Variants in BRAF observed in about 807,000 individuals in gnomAD.
BRAF encodes the protein serine/threonine-protein kinase B-raf.
Under a neutral mutation model 104.6 loss-of-function variants are expected in BRAF, and 16 were observed. The ratio of observed to expected loss-of-function variants is 0.15; its 90% CI spans 0.10 to 0.23. BRAF has a LOEUF of 0.23. BRAF is among the 10% of genes least tolerant of loss of function. BRAF has a pLI of 1.00. For missense variants in BRAF, 541 were observed against 937.3 expected, an observed-to-expected ratio of 0.58 and a Z score of 5.52; for synonymous variants, 310 against 341.6, an observed-to-expected ratio of 0.91 and a Z score of 1.02.
chr7:140,917,824 G>A (rs1372191202), intron 1 of BRAF, among the ~76,000 whole-genome samples: 1 of 152,048 alleles, frequency 6.6e-6, no homozygotes, highest in Non-Finnish European at 1.5e-5. Flanking sequence ...AAAATCAAAA[G>A]AAGATTTTCA....
At chr7:140,834,332 C>T in intron 3 of BRAF, 1 of 562,286 alleles carries the variant, frequency 1.8e-6, no homozygotes. Context: ...TCTTAAAATC[C>T]TGATTTATTT....
chr7:140,778,153 C>T, intron 12 of BRAF, 78 bp from the exon 12 acceptor site: 3 of 1,287,288 alleles, frequency 2.3e-6, no homozygotes, highest in Non-Finnish European at 3.3e-6. Flanking sequence ...GGTGTTTTCA[C>T]TAATTATCAT....
chr7:140,762,794 G>GGAGT (rs1191667029), intron 14 of BRAF, among the ~76,000 whole-genome samples: 1 of 152,006 alleles, frequency 6.6e-6, no homozygotes, highest in Non-Finnish European at 1.5e-5. Flanking sequence ...TTGAGATTAG[G>GGAGT]GAGTGGTGAT....
At chr7:140,882,619 C>T (rs1363794669) in intron 1 of BRAF, among the ~76,000 whole-genome samples, 2 of 152,012 alleles carry the variant, frequency 1.3e-5, no homozygotes, top group Non-Finnish European at 2.9e-5. Context: ...CTTAGGTGAT[C>T]TACCTGCCTC....
At chr7:140,886,564 T>A (rs867821516) in intron 1 of BRAF, among the ~76,000 whole-genome samples, 17 of 152,204 alleles carry the variant, frequency 1.1e-4, no homozygotes, top group Non-Finnish European at 1.0e-4. Context: ...CCTTCACACA[T>A]GCTATTCCTT....
chr7:140,715,939 T>G (rs1409643374), downstream of BRAF, among the ~76,000 whole-genome samples: 1 of 152,230 alleles, frequency 6.6e-6, no homozygotes, highest in Non-Finnish European at 1.5e-5. Context: ...TACCTGAGAT[T>G]CAGATCCTGC....
At chr7:140,829,295 C>T (rs1350200536) in intron 3 of BRAF, among the ~76,000 whole-genome samples, 1 of 150,506 alleles carries the variant, frequency 6.6e-6, no homozygotes, top group Non-Finnish European at 1.5e-5. Flanking sequence ...GTGACCTCAA[C>T]TCCTAGATTT....
intron 1 of BRAF, among the ~76,000 whole-genome samples, chr7:140,890,788 A>G (rs1164725071): frequency 6.6e-6 from 1 of 151,990 alleles, no homozygotes; most frequent in Non-Finnish European, 1.5e-5. Flanking sequence ...ATAAAACACT[A>G]CTCTAACAGC....
intron 3 of BRAF, among the ~76,000 whole-genome samples, chr7:140,833,046 T>C (rs1485085952): frequency 6.6e-6 from 1 of 151,958 alleles, no homozygotes; most frequent in Admixed American, 6.6e-5. Context: ...GCTAATCTTT[T>C]TGTATTTTTA....
intron 1 of BRAF, among the ~76,000 whole-genome samples, chr7:140,864,119 TGCAGGGAGGAA>T (rs1355279248): frequency 6.6e-6 from 1 of 152,168 alleles, no homozygotes; most frequent in Non-Finnish European, 1.5e-5. Context: ...CAAGAATGAA[TGCAGGGAGGAA>T]GACTAGTTGA....
intron 14 of BRAF, among the ~76,000 whole-genome samples, chr7:140,755,283 G>A (rs1340850555): frequency 6.6e-6 from 1 of 152,108 alleles, no homozygotes; most frequent in Non-Finnish European, 1.5e-5. Context: ...ATTGAATACC[G>A]GAGAGAATAG....
intron 16 of BRAF, 120 bp from the exon 16 acceptor site, chr7:140,749,538 A>T: frequency 9.6e-7 from 1 of 1,039,200 alleles, no homozygotes; most frequent in Non-Finnish European, 1.4e-6. Context: ...ATATGTAATC[A>T]ATTCTCTTAA....
chr7:140,802,652 T>A (rs996899657), intron 5 of BRAF, among the ~76,000 whole-genome samples: 4 of 152,078 alleles, frequency 2.6e-5, no homozygotes, highest in Admixed American at 2.0e-4. Flanking sequence ...AAATTAAAAA[T>A]TTTTAAAATA....
chr7:140,849,493 C>T, intron 2 of BRAF, among the ~76,000 whole-genome samples: 1 of 149,784 alleles, frequency 6.7e-6, no homozygotes, highest in East Asian at 1.9e-4. Context: ...TGCTGAGCTC[C>T]AAAACTGTGT....
chr7:140,759,851 T>C (rs182461603), intron 14 of BRAF, among the ~76,000 whole-genome samples: 1 of 152,216 alleles, frequency 6.6e-6, no homozygotes, highest in East Asian at 1.9e-4. Flanking sequence ...GGGGATCTTG[T>C]TAAAATGCAG....
intron 2 of BRAF, among the ~76,000 whole-genome samples, chr7:140,842,193 C>T (rs536344956): frequency 1.2e-3 from 186 of 152,214 alleles, no homozygotes; most frequent in South Asian, 2.1e-4. Context: ...GGTGATTAAA[C>T]GCATGGGCTG....
At chr7:140,772,272 TACAACAACA>T (rs61337459) in intron 14 of BRAF, among the ~76,000 whole-genome samples, 10,954 of 149,094 alleles carry the variant, frequency 0.073, 543 homozygotes, top group African/African-American at 0.13. Context: ...ATTGTTTAAC[TACAACAACA>T]ACAACAACAA....
chr7:140,902,655 G>A (rs571456031), intron 1 of BRAF, among the ~76,000 whole-genome samples: 3 of 152,264 alleles, frequency 2.0e-5, no homozygotes, highest in South Asian at 2.1e-4. Flanking sequence ...AAAACAGGCC[G>A]GGCACTACGG....
intron 19 of BRAF, chr7:140,730,977 C>T (rs1406018013): frequency 6.6e-6 from 1 of 152,072 alleles, no homozygotes; most frequent in Non-Finnish European, 1.5e-5. Context: ...GAATAAGTCC[C>T]CTCCTGACAT....
Sources: allele counts gnomAD v4.1 joint callset (sites outside exome capture counted in the v4.1 genomes callset), GRCh38; gene constraint gnomAD v4.1.1; transcripts MANE v1.5; gene names NCBI Gene and HGNC (gene_info 2026-07-23, HGNC 2026-07-21).